The following ADCY6 variants were observed in gnomAD, a reference collection of about 807,000 sequenced individuals.
ADCY6 encodes the protein adenylate cyclase 6, also known as adenylate cyclase type 6.
In ADCY6, 59 loss-of-function variants were observed where a neutral mutation model predicts 111.6. The ratio of observed to expected loss-of-function variants is 0.53; its 90% CI spans 0.43 to 0.66. ADCY6 has a LOEUF of 0.66. Ranked by LOEUF, ADCY6 falls within the 30% of genes least tolerant of loss-of-function variation. ADCY6 has a pLI of 0.00. For missense variants in ADCY6, 1,242 were observed against 1,595.6 expected, an observed-to-expected ratio of 0.78 and a Z score of 3.78; for synonymous variants, 576 against 642.9, an observed-to-expected ratio of 0.90 and a Z score of 1.57.
rs1941405770 is a variant in ADCY6 at position 48,767,441 on chromosome 12, G to C, written c.*1150C>G. 6.5e-6 allele frequency: 1 copy of C among 152,792 alleles called. No homozygotes were observed. The highest frequency in any genetic ancestry group is 1.5e-5 in the Non-Finnish European group (1 of 68,180). 9.5% of individuals were successfully genotyped at this position (152,792 alleles called of 1,614,324 possible). A position where few individuals can be genotyped will look rare whatever the true frequency, so the allele number is the denominator to read the frequency against. On this transcript the variant is annotated 3_prime_UTR_variant, in exon 22 of 22. Coordinates refer to ENST00000357869, the MANE Select transcript of ADCY6 (RefSeq NM_015270.5). ...CCCTGCTTTATTCCCAGAAGACAGA[G>C]GCCCACAGGAGAGAGGCAACCTGGG...
Position 48,768,430 on chromosome 12 carries a change from GGCAGACGA to G in ADCY6, c.*153_*160del, listed in dbSNP as rs1941432148. 3.9e-6 allele frequency: 4 copies of G among 1,020,488 alleles called. No individual in the cohort carries two copies. Among genetic ancestry groups the G allele is most frequent in the Non-Finnish European group, 5.8e-6 (4 of 688,000 alleles). 63.2% of individuals were successfully genotyped at this position (1,020,488 alleles called of 1,614,324 possible). On this transcript the variant is annotated 3_prime_UTR_variant, in exon 22 of 22. Coordinates refer to ENST00000357869, the MANE Select transcript of ADCY6 (RefSeq NM_015270.5). The stretch of plus-strand genomic sequence containing the variant: ...GTAGCCCCTTGTTTTCCAGCTTGAG[GGCAGACGA>G]GCATGATCCAAGCACAGCCTGCTGG...
Position 48,783,114 on chromosome 12 carries a change from C to T in ADCY6, c.321G>A (p.Ala107=), listed in dbSNP as rs148650932. The T allele has an allele frequency of 5.0e-6, 8 of 1,609,850 alleles. No individual in the cohort carries two copies. Among genetic ancestry groups the T allele is most frequent in the South Asian group, 2.2e-5 (2 of 90,958 alleles). ...TTTAGGTAEV[A]PDAVPRSGRS... is the part of the protein sequence containing the mutation. ...GCCCACTCCTGGGCACCGCGTCGGG[C>T]GCCACCTCAGCCGTCCCGCCCGCTG... Residue 107 remains alanine (A), a synonymous_variant, in exon 2 of 22, where the codon GCG becomes GCA. Transcript: ENST00000357869.
At chr12:48,775,888 AG>A in intron 9 of ADCY6, 74 bp downstream of exon 9, 1 of 1,544,690 alleles carries the variant, frequency 6.5e-7, no homozygotes, top group Non-Finnish European at 8.8e-7. Context: ...GTCACAAGAA[AG>A]GACAGGGTCA....
Position 48,771,907 on chromosome 12 carries a change from G to A in ADCY6, c.2854C>T (p.Leu952=), listed in dbSNP as rs754462882. 2.5e-6 allele frequency: 4 copies of A among 1,614,222 alleles called. No homozygotes were observed. The South Asian group carries it at 3.3e-5, about 13-fold the overall frequency. Residue 952 remains leucine, a synonymous_variant, in exon 19 of 22, where the codon CTG becomes TTG. Coordinates refer to ENST00000357869, the MANE Select transcript of ADCY6 (RefSeq NM_015270.5). The surrounding 1 kb of genome is among the most constrained non-coding windows in gnomAD (Gnocchi z 4.3). ...AAGTGGGCCGCCACGTCCTTGGGCA[G>A]AATGTTATGCAGCAGCCTCCGGTTG... The part of the protein sequence containing the change: ...AYNRRLLHNI[L]PKDVAAHFLA...
Position 48,777,311 on chromosome 12 carries a change from C to T in ADCY6, c.1249-80G>A. On this transcript the variant is annotated intron_variant, in intron 5 of 21. Coordinates refer to ENST00000357869, the MANE Select transcript of ADCY6 (RefSeq NM_015270.5). This position sits in a 1 kb window ranked among gnomAD's most constrained non-coding sequence, Gnocchi z 4.9. ...CCTGCATGGCCCACCACCCTCCACG[C>T]ATACTCTATCTGCCCTCAAATCCCC... 1 of 1,594,836 alleles carries T rather than the reference C, an allele frequency of 6.3e-7. No homozygotes were observed. The highest frequency in any genetic ancestry group is 8.6e-7 in the Non-Finnish European group (1 of 1,169,366).
chr12:48,788,035 A>G (rs1190661934), intron 1 of ADCY6, among the ~76,000 whole-genome samples: 2 of 151,818 alleles, frequency 1.3e-5, no homozygotes, highest in Non-Finnish European at 1.5e-5. Context: ...ACGACTTCAG[A>G]AAGTTCATGG....
intron 20 of ADCY6, 149 bp from the exon 21 acceptor site, chr12:48,769,210 C>A (rs748553263): frequency 3.7e-6 from 3 of 808,950 alleles, no homozygotes; most frequent in African/African-American, 3.5e-5. Flanking sequence ...TAGTTCAAGA[C>A]GAGCCTGGCC....
At chr12:48,779,638 G>C (rs2137373978) in intron 2 of ADCY6, among the ~76,000 whole-genome samples, 2 of 152,294 alleles carry the variant, frequency 1.3e-5, no homozygotes, top group South Asian at 4.1e-4. Flanking sequence ...CAGCGGCACT[G>C]GCTAGAGAGC....
Position 48,775,556 on chromosome 12 carries a change from G to C in ADCY6, c.1833-106C>G, listed in dbSNP as rs1190222682. 1.9e-6 allele frequency: 3 copies of C among 1,576,910 alleles called. No homozygotes were observed. The African/African-American group carries it at 4.1e-5, about 21-fold the overall frequency. On this transcript the variant is annotated intron_variant, in intron 10 of 21. Coordinates refer to ENST00000357869, the MANE Select transcript of ADCY6 (RefSeq NM_015270.5). Reference sequence around the variant, plus strand: ...CCTGAGGGAGGGAGGGAGAGCCAGGGGGGTGGCTCCTGCTCCCACACAACA... The same window carrying C: ...CCTGAGGGAGGGAGGGAGAGCCAGGCGGGTGGCTCCTGCTCCCACACAACA...
At chr12:48,772,116 G>C in intron 18 of ADCY6, 143 bp from the exon 19 acceptor site, 1 of 1,385,186 alleles carries the variant, frequency 7.2e-7, no homozygotes. Flanking sequence ...AGGCAAAGGG[G>C]TAAAGGGGGC....
Position 48,782,236 on chromosome 12 carries a change from A to G in ADCY6, c.864+335T>C, listed in dbSNP as rs1160641746. 2.0e-5 allele frequency among the ~76,000 whole-genome samples: 3 copies of G among 151,246 alleles called. No individual in the cohort carries two copies. The highest frequency in any genetic ancestry group is 6.6e-5 in the Admixed American group (1 of 15,218). On this transcript the variant is annotated intron_variant, in intron 2 of 21. Transcript: ENST00000357869. This position sits in a 1 kb window ranked among gnomAD's most constrained non-coding sequence, Gnocchi z 4.3. ...CGGTGGCCCTGGGGCTATATACCAC[A>G]CCCCTGCCTCCAGCCCCACATTCTG...
chr12:48,775,768 C>A (rs907042092), intron 9 of ADCY6, 70 bp from the exon 10 acceptor site: 11 of 1,567,038 alleles, frequency 7.0e-6, no homozygotes, highest in East Asian at 4.6e-5. Flanking sequence ...CTCCTTCCCC[C>A]ACCCCAACAC....
chr12:48,769,413 CA>C (rs111727567), intron 20 of ADCY6, among the ~76,000 whole-genome samples: 1,495 of 38,858 alleles, frequency 0.038, 11 homozygotes, highest in South Asian at 0.092. Flanking sequence ...ATCCCCATCT[CA>C]AAAAAAAAAA....
intron 2 of ADCY6, among the ~76,000 whole-genome samples, chr12:48,780,086 G>A (rs971043505): frequency 6.6e-6 from 1 of 152,166 alleles, no homozygotes; most frequent in African/African-American, 2.4e-5. Context: ...GAAGGGAAGG[G>A]GGGCAAACCA....
At chr12:48,778,731 G>A (rs1175645078) in intron 2 of ADCY6, among the ~76,000 whole-genome samples, 1 of 152,166 alleles carries the variant, frequency 6.6e-6, no homozygotes, top group Non-Finnish European at 1.5e-5. Flanking sequence ...GGAAGAATGA[G>A]AAGATCTCTA....
At chr12:48,784,676 T>TTTTTTTTG (rs1565652518) in intron 1 of ADCY6, among the ~76,000 whole-genome samples, 4 of 139,704 alleles carry the variant, frequency 2.9e-5, no homozygotes, top group Non-Finnish European at 6.2e-5. Flanking sequence ...TTTTTTTTTT[T>TTTTTTTTG]TTTTTTTTTT....
intron 2 of ADCY6, among the ~76,000 whole-genome samples, chr12:48,780,262 G>A (rs1216756085): frequency 6.6e-6 from 1 of 152,206 alleles, no homozygotes; most frequent in East Asian, 1.9e-4. Flanking sequence ...AGCTGGGCCT[G>A]GGTCACTGGG....
chr12:48,782,492 C>T lies in ADCY6; in HGVS notation c.864+79G>A. 3.3e-6 allele frequency: 5 copies of T among 1,508,910 alleles called. No individual in the cohort carries two copies. Among genetic ancestry groups the T allele is most frequent in the Non-Finnish European group, 4.4e-6 (5 of 1,127,854 alleles). The allele number at this position is 1,508,910 out of a possible 1,614,324, so 93.5% of individuals were successfully genotyped here. On this transcript the variant is annotated intron_variant, in intron 2 of 21. Coordinates refer to ENST00000357869, the MANE Select transcript of ADCY6 (RefSeq NM_015270.5). This position sits in a 1 kb window ranked among gnomAD's most constrained non-coding sequence, Gnocchi z 4.3. ...TCCACCCATGACTCACCCGCCCTTC[C>T]TCACTAAGCCCCCACCTGCTTATGA...
In ADCY6 at chr12:48,771,101, G is replaced by T. The variant is rs533055472; in HGVS notation, c.3052-131C>A. The T allele has an allele frequency of 4.4e-6, 4 of 911,866 alleles. No homozygotes were observed. The South Asian group carries it at 6.5e-5, about 15-fold the overall frequency. 56.5% of individuals were successfully genotyped at this position (911,866 alleles called of 1,614,324 possible). On this transcript the variant is annotated intron_variant, in intron 19 of 21. Transcript: ENST00000357869. The surrounding 1 kb of genome is among the most constrained non-coding windows in gnomAD (Gnocchi z 4.3). ...TCTCAAGAGCCCCCTTCCAGCTGCT[G>T]CTATCAGTGTAAGACTGAGGAGCTG...
Sources: allele counts gnomAD v4.1 joint callset (sites outside exome capture counted in the v4.1 genomes callset), GRCh38; gene constraint gnomAD v4.1.1; non-coding constraint Gnocchi (gnomAD v3.1); transcripts MANE v1.5; gene names NCBI Gene and HGNC (gene_info 2026-07-23, HGNC 2026-07-21).